TECTA: variants seen among roughly 807,000 people sequenced by gnomAD.
The protein encoded by TECTA is alpha-tectorin.
TECTA carries 128 observed loss-of-function variants against 216.8 expected under a neutral mutation model. That is an observed-to-expected ratio of 0.59 (90% CI 0.51 to 0.68). The LOEUF (loss-of-function observed/expected upper bound fraction) is 0.68. Among genes scored for constraint, TECTA ranks in the 30% least tolerant of loss-of-function variants. The probability of loss-of-function intolerance (pLI) is 0.00; values close to 1 mark genes in which losing one functional copy is unlikely to be tolerated. For synonymous variants in TECTA, 1,089 were observed against 1,117.1 expected, an observed-to-expected ratio of 0.97 and a Z score of 0.50; for missense variants, 2,551 against 2,786.2, an observed-to-expected ratio of 0.92 and a Z score of 1.90.
chr11:121,130,014 TCAACGACCCCTC>T lies in TECTA; in HGVS notation c.2749_2760del (p.Asp917_Asn920del). 1 of 1,610,370 alleles carries T rather than the reference TCAACGACCCCTC, an allele frequency of 6.2e-7. No individual in the cohort carries two copies. Among genetic ancestry groups the T allele is most frequent in the Non-Finnish European group, 8.5e-7 (1 of 1,177,428 alleles). The stretch of plus-strand genomic sequence containing the variant: ...CGAAGCCGCTCCAGGTGCGGCATCA[TCAACGACCCCTC>T]CAACAGCTCCTTCCTGGAGTGCCAT... On this transcript the variant is annotated inframe_deletion, in exon 10 of 24. Transcript: ENST00000392793.
intron 7 of TECTA, among the ~76,000 whole-genome samples, chr11:121,124,949 A>G (rs186553684): frequency 1.5e-4 from 23 of 152,362 alleles, no homozygotes; most frequent in Non-Finnish European, 2.6e-4. Flanking sequence ...ATTTAGAGGA[A>G]TGCAGAGGAA....
At chr11:121,107,681 A>G (rs1946403453) in intron 3 of TECTA, among the ~76,000 whole-genome samples, 1 of 152,228 alleles carries the variant, frequency 6.6e-6, no homozygotes, top group African/African-American at 2.4e-5. Flanking sequence ...CCACAGGGTT[A>G]AATCAGTTTA....
rs533995509 is a variant in TECTA, at chr11:121,126,435, A to G, written c.1774+563A>G. On this transcript the variant is annotated intron_variant, in intron 8 of 23. Coordinates refer to ENST00000392793, the MANE Select transcript of TECTA (RefSeq NM_005422.4). ...AGGAAAAGCCCCAACTTTGAGGGAA[A>G]TCCTGGCTCTTTTGAATTACACTTT... is the stretch of plus-strand genomic sequence containing the variant. 1.2e-4 allele frequency among the ~76,000 whole-genome samples: 18 copies of G among 152,368 alleles called. No homozygotes were observed. In the South Asian group the frequency reaches 3.7e-3, roughly 32 times the overall value.
intron 7 of TECTA, 70 bp downstream of exon 7, chr11:121,118,788 C>T: frequency 1.3e-6 from 2 of 1,576,926 alleles, no homozygotes; most frequent in Admixed American, 1.7e-5. Flanking sequence ...GAAGACTTCC[C>T]CAGATCTACT....
chr11:121,119,872 T>G (rs1347511136), intron 7 of TECTA, among the ~76,000 whole-genome samples: 2 of 152,246 alleles, frequency 1.3e-5, no homozygotes, highest in Non-Finnish European at 2.9e-5. Flanking sequence ...CCAGTGTGCT[T>G]GCTATTTGGT....
chr11:121,160,287 G>C lies in TECTA; in HGVS notation c.4842G>C (p.Leu1614=), dbSNP rs371071499. The change falls in exon 15 of 24, where the codon CTG becomes CTC. Residue 1614 remains leucine, a synonymous_variant. Coordinates refer to ENST00000392793, the MANE Select transcript of TECTA (RefSeq NM_005422.4). The stretch of plus-strand genomic sequence containing the variant: ...TTAAAATCAGCATCAGCGAGAGGCT[G>C]CAGAACAAAGTGTGCGGTCTCTGTG... ...NVIKISISER[L]QNKVCGLCGN... is the part of the protein sequence containing the mutation. 49 of 1,614,108 alleles carry C rather than the reference G, an allele frequency of 3.0e-5. No individual in the cohort carries two copies. Among genetic ancestry groups the C allele is most frequent in the Middle Eastern group, 1.6e-4 (1 of 6,084 alleles).
intron 7 of TECTA, among the ~76,000 whole-genome samples, chr11:121,120,564 A>G (rs1946547692): frequency 6.6e-6 from 1 of 152,106 alleles, no homozygotes; most frequent in African/African-American, 2.4e-5. Context: ...GGCCACTAAG[A>G]TCTGTTCTTC....
At chr11:121,116,986 C>G (rs1223990610) in intron 6 of TECTA, among the ~76,000 whole-genome samples, 1 of 152,180 alleles carries the variant, frequency 6.6e-6, no homozygotes, top group African/African-American at 2.4e-5. Context: ...AATGGAATTG[C>G]CTGTTGAAAC....
chr11:121,137,004 T>A (rs1946733536), intron 10 of TECTA, among the ~76,000 whole-genome samples: 1 of 152,184 alleles, frequency 6.6e-6, no homozygotes, highest in African/African-American at 2.4e-5. Flanking sequence ...GCAGAGTGTG[T>A]GAATGAAGGG....
chr11:121,125,645 C>G lies in TECTA; in HGVS notation c.1547C>G (p.Ala516Gly), dbSNP rs764245058. The change falls in exon 8 of 24, where the codon GCC (alanine) becomes GGC (glycine). Residue 516 changes from alanine to glycine, a missense_variant. This residue lies in a region of TECTA where 2,375 missense variants were observed against 2,563.9 expected (regional missense o/e 0.93). Coordinates refer to ENST00000392793, the MANE Select transcript of TECTA (RefSeq NM_005422.4). ...ACCCAGTGCGACGCTGCCACTGAAGCCCTCTACTTTGGCTCTGACTACTGC... is the reference window on the plus strand; with the variant it reads ...ACCCAGTGCGACGCTGCCACTGAAGGCCTCTACTTTGGCTCTGACTACTGC... ...NCTQCDAATE[A>G]LYFGSDYCGF... 1.9e-6 allele frequency: 3 copies of G among 1,611,604 alleles called. No homozygotes were observed. The highest frequency in any genetic ancestry group is 4.5e-5 in the East Asian group (2 of 44,842).
Position 121,160,327 on chromosome 11 carries a change from G to A in TECTA, c.4882G>A (p.Asp1628Asn). 6.2e-7 allele frequency: 1 copy of A among 1,614,118 alleles called. No individual in the cohort carries two copies. The highest frequency in any genetic ancestry group is 1.1e-5 in the South Asian group (1 of 91,066). ...VCGLCGNFNG[D>N]LTDDYVTLRG... The stretch of plus-strand genomic sequence containing the variant: ...CGGTCTCTGTGGCAACTTCAACGGG[G>A]ACCTAACAGATGATTATGTGACCTT... Residue 1628 changes from aspartate (D) to asparagine (N), a missense_variant, in exon 15 of 24, where the codon GAC becomes AAC. Asp to Asn is a conservative substitution (Grantham distance 23). Transcript: ENST00000392793.
chr11:121,122,688 A>G (rs963577263), intron 7 of TECTA, among the ~76,000 whole-genome samples: 2 of 147,064 alleles, frequency 1.4e-5, no homozygotes, highest in Non-Finnish European at 3.0e-5. Context: ...AAAAAAAAAA[A>G]AAAAAGAAAG....
chr11:121,157,953 G>A lies in TECTA; in HGVS notation c.4418G>A (p.Arg1473His). The A allele has an allele frequency of 6.2e-7, 1 of 1,613,834 alleles. No individual in the cohort carries two copies. The highest frequency in any genetic ancestry group is 8.5e-7 in the Non-Finnish European group (1 of 1,180,004). Reference sequence around the variant, plus strand: ...AAGTCAGACGAGGAGTGTGCGCTGCGCAACGGGGTGCGCGGCTGCTTCAGC... The same window carrying A: ...AAGTCAGACGAGGAGTGTGCGCTGCACAACGGGGTGCGCGGCTGCTTCAGC... ...QCKSDEECALRNGVRGCFSTK... is the reference protein window; with the variant it reads ...QCKSDEECALHNGVRGCFSTK... The change falls in exon 14 of 24, where the codon CGC becomes CAC. Residue 1473 changes from arginine to histidine, a missense_variant. Transcript: ENST00000392793.
In TECTA at chr11:121,125,525, A is replaced by G; in HGVS notation, c.1427A>G (p.Asp476Gly). The G allele has an allele frequency of 1.2e-6, 2 of 1,614,208 alleles. No homozygotes were observed. Among genetic ancestry groups the G allele is most frequent in the Non-Finnish European group, 1.7e-6 (2 of 1,180,050 alleles). ...CCACTGGATGACTTCCTCCGCCCGG[A>G]TGGCAGGCCGGCCATGTCTGTCCTG... ...KNPLDDFLRP[D>G]GRPAMSVLDL... The change falls in exon 8 of 24, where the codon GAT (aspartate) becomes GGT (glycine). Residue 476 changes from aspartate (D) to glycine (G), a missense_variant. Asp to Gly is a moderately conservative substitution (Grantham distance 94). Around this residue, in one of 3 missense-constraint regions of TECTA, gnomAD observed 2,375 missense variants for 2,563.9 expected, o/e 0.93. Transcript: ENST00000392793.
chr11:121,178,161 C>T (rs192018450), intron 20 of TECTA, among the ~76,000 whole-genome samples: 1 of 152,248 alleles, frequency 6.6e-6, no homozygotes, highest in Admixed American at 6.5e-5. Flanking sequence ...CCTGCTTCGG[C>T]TCGTGCACGG....
intron 17 of TECTA, 89 bp downstream of exon 17, chr11:121,165,472 A>C: frequency 9.2e-7 from 1 of 1,090,694 alleles, no homozygotes; most frequent in East Asian, 2.6e-5. Flanking sequence ...CACTTTGTGA[A>C]GCTTTCCCAA....
intron 12 of TECTA, 29 bp from the exon 13 acceptor site, chr11:121,152,852 C>T (rs1179511032): frequency 7.6e-6 from 12 of 1,579,714 alleles, no homozygotes; most frequent in Admixed American, 1.7e-5. Flanking sequence ...TGTGATCGTG[C>T]GAGTCTTGAC....
At chr11:121,141,319 C>A (rs1946781896) in intron 11 of TECTA, among the ~76,000 whole-genome samples, 1 of 152,152 alleles carries the variant, frequency 6.6e-6, no homozygotes, top group African/African-American at 2.4e-5. Context: ...TAAAACACAG[C>A]CCACAGTGCA....
In TECTA at chr11:121,111,819, A is replaced by G. The variant is rs1262033056; in HGVS notation, c.487-1253A>G. ...CTGTCCTCTTCTGTTGAATGGGGCC[A>G]GAGACTGAAGGCGTTTACCTGAGCA... On this transcript the variant is annotated intron_variant, in intron 4 of 23. Transcript: ENST00000392793. 2.0e-5 allele frequency among the ~76,000 whole-genome samples: 3 copies of G among 152,242 alleles called. No homozygotes were observed. In the East Asian group the frequency reaches 5.8e-4, roughly 29 times the overall value.
Sources: gnomAD v4.1 joint callset for allele counts (sites outside exome capture counted in the v4.1 genomes callset) on GRCh38, gnomAD v4.1.1 for gene constraint, gnomAD v4.1.1 regional missense constraint, MANE v1.5 for transcripts, NCBI Gene and HGNC (gene_info 2026-07-23, HGNC 2026-07-21) for gene names.